The following FSBP variants were observed in gnomAD, a reference collection of about 807,000 sequenced individuals.
FSBP encodes fibrinogen silencer-binding protein.
In FSBP, 18 loss-of-function variants were observed where a neutral mutation model predicts 24.6. The ratio of observed to expected loss-of-function variants is 0.73; its 90% CI spans 0.51 to 1.08. The LOEUF is 1.08. Among genes scored for constraint, FSBP ranks in the 50% least tolerant of loss-of-function variants. FSBP has a pLI of 0.00. For synonymous variants in FSBP, 110 were observed against 125.8 expected (o/e 0.87, Z 0.84); for missense variants, 305 against 347.6 (o/e 0.88, Z 0.98).
rs748766509 is a variant in FSBP, at chr8:94,429,564, G to C, written c.*2567C>G. 2.6e-5 allele frequency: 26 copies of C among 982,372 alleles called. No individual in the cohort carries two copies. The highest frequency in any genetic ancestry group is 3.1e-5 in the Non-Finnish European group (26 of 827,376). 60.9% of individuals were successfully genotyped at this position (982,372 alleles called of 1,614,324 possible). ...AAAGTGAATTACATCTCATATATGT[G>C]CTTTCAATAATTTCAAAAAATAAAG... On this transcript the variant is annotated 3_prime_UTR_variant, in exon 2 of 2. Coordinates refer to ENST00000481490, the MANE Select transcript of FSBP (RefSeq NM_001256141.2).
Position 94,432,379 on chromosome 8 carries a change from GA to G in FSBP, c.651del (p.Arg218GlyfsTer12). Reference sequence around the variant, plus strand: ...CTAAAGTGTTCACCACTCTCATGCCGAAAAAAATCATCTCTCCTTGGAATAG... The same window carrying G: ...CTAAAGTGTTCACCACTCTCATGCCGAAAAAATCATCTCTCCTTGGAATAG... ...PSSIPRRDDFFRHESGEHFRS... is the reference protein window; with the variant it reads ...PSSIPRRDDFXRHESGEHFRS... On this transcript the variant is annotated frameshift_variant, in exon 2 of 2. Transcript: ENST00000481490. LOFTEE classifies it high-confidence loss of function. 2 of 1,550,184 alleles carry G rather than the reference GA, an allele frequency of 1.3e-6. No individual in the cohort carries two copies. The highest frequency in any genetic ancestry group is 1.7e-6 in the Non-Finnish European group (2 of 1,146,830).
At position 94,431,587 on chromosome 8, in the gene FSBP, C is replaced by A; in HGVS notation, c.*544G>T. Reference sequence around the variant, plus strand: ...TACCCTAAGTAAGTCATTGAGTTCTCCCTGGACCTGTTTCATTACCCCTAA... The same window carrying A: ...TACCCTAAGTAAGTCATTGAGTTCTACCTGGACCTGTTTCATTACCCCTAA... On this transcript the variant is annotated 3_prime_UTR_variant, in exon 2 of 2. Coordinates refer to ENST00000481490, the MANE Select transcript of FSBP (RefSeq NM_001256141.2). 1.1e-6 allele frequency: 1 copy of A among 919,856 alleles called. No homozygotes were observed. The highest frequency in any genetic ancestry group is 1.3e-6 in the Non-Finnish European group (1 of 770,444). 57.0% of individuals were successfully genotyped at this position (919,856 alleles called of 1,614,324 possible).
intron 1 of FSBP, 123 bp from the exon 2 acceptor site, chr8:94,432,779 TA>T (rs936318996): frequency 1.1e-4 from 133 of 1,233,870 alleles, no homozygotes; most frequent in Non-Finnish European, 1.2e-4. Flanking sequence ...AGTTACAAAA[TA>T]AAAAAAAATC....
At position 94,429,755 on chromosome 8, in the gene FSBP, T is replaced by C; in HGVS notation, c.*2376A>G. On this transcript the variant is annotated 3_prime_UTR_variant, in exon 2 of 2. Transcript: ENST00000481490. ...AAGTTATATATTCAGGACATCTTTA[T>C]AATTAAAGAAGTTAACTCTACCAGC... 2 of 983,786 alleles carry C rather than the reference T, an allele frequency of 2.0e-6. No individual in the cohort carries two copies. The highest frequency in any genetic ancestry group is 2.4e-6 in the Non-Finnish European group (2 of 828,450). 60.9% of individuals were successfully genotyped at this position (983,786 alleles called of 1,614,324 possible).
In FSBP at chr8:94,436,694, C is replaced by G; in HGVS notation, c.175G>C (p.Asp59His). ...IAVNYNAIGV[D>H]RPPRTAQGLR... ...CCCTGTGCTGTTCGAGGAGGGCGGT[C>G]TACTCCAATTGCATTATAGTTAACT... The change falls in exon 1 of 2, where the codon GAC becomes CAC. Residue 59 changes from aspartate to histidine, a missense_variant. By Grantham distance (81) the Asp-to-His change is moderately conservative. Coordinates refer to ENST00000481490, the MANE Select transcript of FSBP (RefSeq NM_001256141.2). The G allele has an allele frequency of 1.3e-6, 2 of 1,550,636 alleles. No individual in the cohort carries two copies. Among genetic ancestry groups the G allele is most frequent in the Non-Finnish European group, 1.7e-6 (2 of 1,146,980 alleles).
In FSBP at chr8:94,432,575, C is replaced by T; in HGVS notation, c.456G>A (p.Val152=). ...TAATGTCTTCTTCTTGCTTCACCTC[C>T]ACTGTAATAGCAACAGGATGGTGAT... The part of the protein sequence containing the change: ...MLDHHPVAIT[V]EVKQEEDIKP... Residue 152 remains valine (V), a synonymous_variant, in exon 2 of 2, where the codon GTG becomes GTA. Transcript: ENST00000481490. 1 of 1,550,254 alleles carries T rather than the reference C, an allele frequency of 6.5e-7. No individual in the cohort carries two copies. Among genetic ancestry groups the T allele is most frequent in the Non-Finnish European group, 8.7e-7 (1 of 1,146,798 alleles).
rs1414862118 is a variant in FSBP at position 94,430,933 on chromosome 8, A to G, written c.*1198T>C. 2 of 985,196 alleles carry G rather than the reference A, an allele frequency of 2.0e-6. No homozygotes were observed. Among genetic ancestry groups the G allele is most frequent in the Non-Finnish European group, 2.4e-6 (2 of 829,912 alleles). The allele number at this position is 985,196 out of a possible 1,614,324, so 61.0% of individuals were successfully genotyped here. On this transcript the variant is annotated 3_prime_UTR_variant, in exon 2 of 2. Transcript: ENST00000481490. ...ATGGCTTAGCACTGCATTTGTGCTT[A>G]TATACTCAATCCACTTTTTCCCATT... is the stretch of plus-strand genomic sequence containing the variant.
chr8:94,430,072 G>A lies in FSBP; in HGVS notation c.*2059C>T, dbSNP rs951075316. On this transcript the variant is annotated 3_prime_UTR_variant, in exon 2 of 2. Transcript: ENST00000481490. ...CTCAAGCCTGTAATCCCAGCACTTT[G>A]GGAGGCCGAGGCGGGCAGATCACGA... 4.2e-6 allele frequency: 4 copies of A among 946,158 alleles called. No individual in the cohort carries two copies. In the African/African-American group the frequency reaches 7.1e-5, roughly 17 times the overall value. The allele number at this position is 946,158 out of a possible 1,614,324, so 58.6% of individuals were successfully genotyped here.
In FSBP at chr8:94,432,163, G is replaced by GT. The variant is rs1563654876; in HGVS notation, c.867dup (p.Arg290ThrfsTer3). ...CTGTTATATTCAGGTAGATCATGCC[G>GT]TAAGCGAATTGCTTTCAGCTTCTCC... is the stretch of plus-strand genomic sequence containing the variant. On this transcript the variant is annotated frameshift_variant, in exon 2 of 2. Transcript: ENST00000481490. LOFTEE classifies it high-confidence loss of function. 6.5e-7 allele frequency: 1 copy of GT among 1,549,790 alleles called. No homozygotes were observed. Among genetic ancestry groups the GT allele is most frequent in the Admixed American group, 2.0e-5 (1 of 50,920 alleles).
rs929659090 is a variant in FSBP at position 94,436,677 on chromosome 8, T to G, written c.192A>C (p.Thr64=). The change falls in exon 1 of 2, where the codon ACA becomes ACC. Residue 64 remains threonine, a synonymous_variant. Coordinates refer to ENST00000481490, the MANE Select transcript of FSBP (RefSeq NM_001256141.2). Reference sequence around the variant, plus strand: ...TATAAAGGGTGCGTAGGCCCTGTGCTGTTCGAGGAGGGCGGTCTACTCCAA... The same window carrying G: ...TATAAAGGGTGCGTAGGCCCTGTGCGGTTCGAGGAGGGCGGTCTACTCCAA... The part of the protein sequence containing the change: ...NAIGVDRPPR[T]AQGLRTLYKR... The G allele has an allele frequency of 3.9e-6, 6 of 1,550,658 alleles. No individual in the cohort carries two copies. Among genetic ancestry groups the G allele is most frequent in the Non-Finnish European group, 5.2e-6 (6 of 1,146,972 alleles).
intron 1 of FSBP, among the ~76,000 whole-genome samples, 170 bp from the exon 2 acceptor site, chr8:94,432,826 G>A (rs1252559254): frequency 6.6e-6 from 1 of 152,016 alleles, no homozygotes; most frequent in Non-Finnish European, 1.5e-5. Flanking sequence ...GACTAAGATT[G>A]GGATTTCAAT....
At chr8:94,432,993 G>GT (rs1812154149) in intron 1 of FSBP, among the ~76,000 whole-genome samples, 1 of 152,050 alleles carries the variant, frequency 6.6e-6, no homozygotes, top group Non-Finnish European at 1.5e-5. Flanking sequence ...CAACCCTAAG[G>GT]TTTTCAAATG....
chr8:94,435,617 A>G (rs1392168712), intron 1 of FSBP, among the ~76,000 whole-genome samples: 2 of 152,148 alleles, frequency 1.3e-5, no homozygotes, highest in African/African-American at 2.4e-5. Context: ...CAGAGGTTAC[A>G]ATCTGAATTA....
chr8:94,430,748 G>C lies in FSBP; in HGVS notation c.*1383C>G, dbSNP rs1360336010. 3 of 974,716 alleles carry C rather than the reference G, an allele frequency of 3.1e-6. No homozygotes were observed. Among genetic ancestry groups the C allele is most frequent in the Non-Finnish European group, 3.7e-6 (3 of 820,360 alleles). 60.4% of individuals were successfully genotyped at this position (974,716 alleles called of 1,614,324 possible). ...GTTATTTGCAAACATTTTAAAATTG[G>C]AAGATTCCTCATTAAAAAATGCAGA... is the stretch of plus-strand genomic sequence containing the variant. On this transcript the variant is annotated 3_prime_UTR_variant, in exon 2 of 2. Coordinates refer to ENST00000481490, the MANE Select transcript of FSBP (RefSeq NM_001256141.2).
Position 94,428,083 on chromosome 8 carries a change from A to C in FSBP, c.*4048T>G, listed in dbSNP as rs907476286. Reference sequence around the variant, plus strand: ...TAAATCACAGCTAGTTTAGAAAATCATAAGTTGTAACAACATATCCATTAC... The same window carrying C: ...TAAATCACAGCTAGTTTAGAAAATCCTAAGTTGTAACAACATATCCATTAC... On this transcript the variant is annotated 3_prime_UTR_variant, in exon 2 of 2. Coordinates refer to ENST00000481490, the MANE Select transcript of FSBP (RefSeq NM_001256141.2). The C allele has an allele frequency of 2.2e-5, 21 of 951,094 alleles. No homozygotes were observed. The African/African-American group carries it at 2.8e-4, about 13-fold the overall frequency. 58.9% of individuals were successfully genotyped at this position (951,094 alleles called of 1,614,324 possible). A position where few individuals can be genotyped will look rare whatever the true frequency, so the allele number is the denominator to read the frequency against.
Position 94,436,516 on chromosome 8 carries a change from C to G in FSBP, c.353G>C (p.Arg118Thr). The G allele has an allele frequency of 6.5e-7, 1 of 1,549,512 alleles. No individual in the cohort carries two copies. The highest frequency in any genetic ancestry group is 8.7e-7 in the Non-Finnish European group (1 of 1,146,590). Residue 118 changes from arginine (R) to threonine (T), a missense_variant, in exon 1 of 2, where the codon AGA (arginine) becomes ACA (threonine). Arg to Thr is a moderately conservative substitution (Grantham distance 71). Transcript: ENST00000481490. ...TTACCTTTGTATGTGGTTCCTGTCT[C>G]TTACCAGGCAAAAACTGGAAATCTG... is the stretch of plus-strand genomic sequence containing the variant. ...IPQISSFCLV[R>T]DRNHIQSANL...
In FSBP at chr8:94,428,201, T is replaced by C; in HGVS notation, c.*3930A>G. Reference sequence around the variant, plus strand: ...AAATAATCTATATACTTAGTATATTTATCAAATGTAGTATATTTCTACAGA... The same window carrying C: ...AAATAATCTATATACTTAGTATATTCATCAAATGTAGTATATTTCTACAGA... On this transcript the variant is annotated 3_prime_UTR_variant, in exon 2 of 2. Coordinates refer to ENST00000481490, the MANE Select transcript of FSBP (RefSeq NM_001256141.2). 1.2e-6 allele frequency: 1 copy of C among 849,588 alleles called. No individual in the cohort carries two copies. Among genetic ancestry groups the C allele is most frequent in the Non-Finnish European group, 1.4e-6 (1 of 706,216 alleles). The allele number at this position is 849,588 out of a possible 1,614,324, so 52.6% of individuals were successfully genotyped here.
chr8:94,433,709 T>A (rs369744426), intron 1 of FSBP, among the ~76,000 whole-genome samples: 1 of 151,906 alleles, frequency 6.6e-6, no homozygotes, highest in African/African-American at 2.4e-5. Context: ...GTTGTTTTTT[T>A]TAATTTATGC....
At position 94,436,740 on chromosome 8, in the gene FSBP, A is replaced by G. The variant is rs558892664; in HGVS notation, c.129T>C (p.Asn43=). The G allele has an allele frequency of 3.9e-6, 6 of 1,550,688 alleles. No homozygotes were observed. In the African/African-American group the frequency reaches 5.5e-5, roughly 14 times the overall value. The change falls in exon 1 of 2, where the codon AAT becomes AAC. Residue 43 remains asparagine, a synonymous_variant. Coordinates refer to ENST00000481490, the MANE Select transcript of FSBP (RefSeq NM_001256141.2). ...TNKHSVIVEK[N]RCWDIIAVNY... is the part of the protein sequence containing the mutation. Reference sequence around the variant, plus strand: ...TAACTGCTATGATATCCCAACATCTATTCTTTTCTACTATTACTGAATGTT... The same window carrying G: ...TAACTGCTATGATATCCCAACATCTGTTCTTTTCTACTATTACTGAATGTT...
Sources: gnomAD v4.1 joint callset for allele counts (sites outside exome capture counted in the v4.1 genomes callset) on GRCh38, gnomAD v4.1.1 for gene constraint, MANE v1.5 for transcripts, NCBI Gene and HGNC (gene_info 2026-07-23, HGNC 2026-07-21) for gene names.